SAP130: variants seen among roughly 807,000 people sequenced by gnomAD.
The protein encoded by SAP130 is Sin3A associated protein 130, also known as histone deacetylase complex subunit SAP130.
In SAP130, 16 loss-of-function variants were observed where a neutral mutation model predicts 103.2. The ratio of observed to expected loss-of-function variants is 0.16; its 90% CI spans 0.10 to 0.24. SAP130 has a LOEUF of 0.24. SAP130 is among the 10% of genes least tolerant of loss of function. SAP130 has a pLI of 1.00. For synonymous variants in SAP130, 477 were observed against 497.0 expected, an observed-to-expected ratio of 0.96 and a Z score of 0.53; for missense variants, 990 against 1,359.7, an observed-to-expected ratio of 0.73 and a Z score of 4.28.
At chr2:128,023,921 A>G (rs1271378978) in intron 2 of SAP130, among the ~76,000 whole-genome samples, 1 of 134,754 alleles carries the variant, frequency 7.4e-6, no homozygotes, top group Non-Finnish European at 1.6e-5. Context: ...TCTAGAGAAT[A>G]ATAATATTCT....
chr2:127,956,697 TATAATA>T (rs1360763802), intron 15 of SAP130, among the ~76,000 whole-genome samples: 18 of 72,780 alleles, frequency 2.5e-4, no homozygotes, highest in South Asian at 1.9e-3. Context: ...GAACTTAAAG[TATAATA>T]AAAAAAAAAA....
At chr2:128,001,279 C>G (rs1366078914) in intron 7 of SAP130, among the ~76,000 whole-genome samples, 3 of 152,116 alleles carry the variant, frequency 2.0e-5, no homozygotes, top group African/African-American at 7.2e-5. Context: ...GCAGCTCACA[C>G]CAGTAATCCC....
At position 127,986,095 on chromosome 2, in the gene SAP130, C is replaced by A. The variant is rs976550911; in HGVS notation, c.1958+690G>T. Among the ~76,000 whole-genome samples, 3 of 152,224 alleles carry A rather than the reference C, an allele frequency of 2.0e-5. No homozygotes were observed. Among genetic ancestry groups the A allele is most frequent in the African/African-American group, 4.8e-5 (2 of 41,454 alleles). On this transcript the variant is annotated intron_variant, in intron 14 of 20. Coordinates refer to ENST00000643581, the MANE Select transcript of SAP130 (RefSeq NM_001330301.2). This position sits in a 1 kb window ranked among gnomAD's most constrained non-coding sequence, Gnocchi z 4.7. ...TCATTCTCCAAGCCCACGTGTGATC[C>A]CATTCTTCCAGTACACCAAGGCAAG... is the stretch of plus-strand genomic sequence containing the variant.
chr2:127,956,648 C>T (rs1324590846), intron 15 of SAP130, among the ~76,000 whole-genome samples: 1 of 138,754 alleles, frequency 7.2e-6, no homozygotes, highest in African/African-American at 2.8e-5. Context: ...CGCATGTAGA[C>T]ATATGTAACA....
intron 7 of SAP130, among the ~76,000 whole-genome samples, chr2:128,009,810 C>G (rs889055249): frequency 6.6e-6 from 1 of 152,208 alleles, no homozygotes; most frequent in African/African-American, 2.4e-5. Flanking sequence ...CAAACACAAT[C>G]CTGTCTCAGA....
At chr2:127,969,650 C>T (rs572037510) in intron 15 of SAP130, among the ~76,000 whole-genome samples, 2 of 152,196 alleles carry the variant, frequency 1.3e-5, no homozygotes, top group African/African-American at 2.4e-5. Flanking sequence ...GTTCTTTCTG[C>T]GGGCTTGAAG....
rs1680842030 is a variant in SAP130, at chr2:127,968,553, C to T, written c.2063+9432G>A. Among the ~76,000 whole-genome samples, 5 of 151,282 alleles carry T rather than the reference C, an allele frequency of 3.3e-5. No homozygotes were observed. In the South Asian group the frequency reaches 1.0e-3, roughly 32 times the overall value. On this transcript the variant is annotated intron_variant, in intron 15 of 20. Transcript: ENST00000643581. Reference sequence around the variant, plus strand: ...CAAAAACAAAAAAAAGACAGGGTCTCACTCTGTTGCCCAGGCTGGAGTGCA... The same window carrying T: ...CAAAAACAAAAAAAAGACAGGGTCTTACTCTGTTGCCCAGGCTGGAGTGCA...
intron 11 of SAP130, among the ~76,000 whole-genome samples, chr2:127,994,825 T>G (rs1683060305): frequency 6.6e-6 from 1 of 152,160 alleles, no homozygotes; most frequent in Non-Finnish European, 1.5e-5. Context: ...CTGTCCTTAT[T>G]TGTAGGCAAA....
At chr2:127,982,836 T>C (rs2104960628) in intron 14 of SAP130, among the ~76,000 whole-genome samples, 1 of 152,188 alleles carries the variant, frequency 6.6e-6, no homozygotes, top group African/African-American at 2.4e-5. Flanking sequence ...TGAGAGGCAG[T>C]GAAGAACATG....
chr2:128,002,043 T>C (rs1573796880), intron 7 of SAP130, among the ~76,000 whole-genome samples: 1 of 152,038 alleles, frequency 6.6e-6, no homozygotes, highest in Non-Finnish European at 1.5e-5. Flanking sequence ...TCTCCTGCCT[T>C]AGCCTCCTGA....
At position 127,941,874 on chromosome 2, in the gene SAP130, T is replaced by C. The variant is rs1013368970; in HGVS notation, c.*132A>G. The C allele has an allele frequency of 2.0e-5, 17 of 835,268 alleles. No homozygotes were observed. Among genetic ancestry groups the C allele is most frequent in the African/African-American group, 1.2e-4 (7 of 58,522 alleles). 51.7% of individuals were successfully genotyped at this position (835,268 alleles called of 1,614,324 possible). A position where few individuals can be genotyped will look rare whatever the true frequency, so the allele number is the denominator to read the frequency against. ...CACGCCCTTGGATGTCATGGGTTCCTCTGCTTTCACACGGGAACTAAGGAA... is the reference window on the plus strand; with the variant it reads ...CACGCCCTTGGATGTCATGGGTTCCCCTGCTTTCACACGGGAACTAAGGAA... On this transcript the variant is annotated 3_prime_UTR_variant, in exon 21 of 21. Coordinates refer to ENST00000643581, the MANE Select transcript of SAP130 (RefSeq NM_001330301.2).
rs1681601038 is a variant in SAP130 at position 127,978,074 on chromosome 2, T to A, written c.1974A>T (p.Lys658Asn). 6.4e-7 allele frequency: 1 copy of A among 1,551,516 alleles called. No individual in the cohort carries two copies. The highest frequency in any genetic ancestry group is 2.0e-5 in the Admixed American group (1 of 50,970). Residue 658 changes from lysine to asparagine, a missense_variant, in exon 15 of 21, where the codon AAA becomes AAT. Transcript: ENST00000643581. ...KPATDGMAVR[K>N]TLIPPQPPDV... is the part of the protein sequence containing the mutation. ...CAGGAGGCTGAGGAGGAATGAGGGT[T>A]TTCCGAACTGCCATTCTGAAAGAGA... is the stretch of plus-strand genomic sequence containing the variant.
At chr2:127,990,895 T>C (rs868235622) in intron 12 of SAP130, among the ~76,000 whole-genome samples, 4 of 150,432 alleles carry the variant, frequency 2.7e-5, no homozygotes, top group South Asian at 2.1e-4. Context: ...TGAGGTATGA[T>C]TGCACCACTG....
At chr2:127,948,993 T>C (rs974942628) in intron 18 of SAP130, among the ~76,000 whole-genome samples, 2 of 152,158 alleles carry the variant, frequency 1.3e-5, no homozygotes, top group Non-Finnish European at 2.9e-5. Context: ...CTCCTTGACC[T>C]CTGGAAATCT....
chr2:127,984,198 T>C (rs979689517), intron 14 of SAP130, among the ~76,000 whole-genome samples: 2 of 152,230 alleles, frequency 1.3e-5, no homozygotes, highest in Non-Finnish European at 2.9e-5. Context: ...TCAGGACCGG[T>C]TCTTTTCTCC....
intron 7 of SAP130, among the ~76,000 whole-genome samples, chr2:128,004,083 G>C (rs1683788191): frequency 2.0e-5 from 3 of 147,994 alleles, no homozygotes; most frequent in East Asian, 4.1e-4. Context: ...AAATGGACTT[G>C]TGATTATCCT....
intron 11 of SAP130, among the ~76,000 whole-genome samples, chr2:127,995,956 ATC>A (rs1232765111): frequency 6.6e-6 from 1 of 152,222 alleles, no homozygotes; most frequent in African/African-American, 2.4e-5. Context: ...CTTTAAAAAT[ATC>A]CATGAGTGAA....
intron 7 of SAP130, among the ~76,000 whole-genome samples, chr2:128,003,093 C>T (rs1180575740): frequency 1.3e-5 from 2 of 151,854 alleles, no homozygotes; most frequent in African/African-American, 2.4e-5. Context: ...TGTGCCACTG[C>T]ACTCCAGCCT....
intron 1 of SAP130, chr2:128,027,330 A>G: frequency 3.9e-6 from 3 of 776,190 alleles, no homozygotes; most frequent in Admixed American, 1.7e-4. Flanking sequence ...CCGCCCGCCC[A>G]TTGGCCCCAC....
Sources: allele counts gnomAD v4.1 joint callset (sites outside exome capture counted in the v4.1 genomes callset), GRCh38; gene constraint gnomAD v4.1.1; non-coding constraint Gnocchi (gnomAD v3.1); transcripts MANE v1.5; gene names NCBI Gene and HGNC (gene_info 2026-07-23, HGNC 2026-07-21).